Variants in PPP1R37 observed in about 807,000 individuals in gnomAD.
PPP1R37 encodes leucine rich repeat containing 68.
PPP1R37 carries 21 observed loss-of-function variants against 61.0 expected under a neutral mutation model. The observed-to-expected ratio is 0.34, with a 90% confidence interval of 0.24 to 0.50. PPP1R37 has a LOEUF of 0.50. Among genes scored for constraint, PPP1R37 ranks in the 20% least tolerant of loss-of-function variants. PPP1R37 has a pLI of 0.98. For synonymous variants in PPP1R37, 443 were observed against 433.5 expected (o/e 1.02, Z -0.27); for missense variants, 910 against 952.7 (o/e 0.96, Z 0.59).
chr19:45,138,395 T>G, intron 1 of PPP1R37, 119 bp from the exon 2 acceptor site: 3 of 664,230 alleles, frequency 4.5e-6, no homozygotes, highest in Non-Finnish European at 7.7e-6. Flanking sequence ...AGGCAGCCTG[T>G]TGTTGGGGGA....
rs929888323 is a variant in PPP1R37 at position 45,130,575 on chromosome 19, C to A, written c.203-7939C>A. 6.6e-5 allele frequency among the ~76,000 whole-genome samples: 10 copies of A among 152,186 alleles called. No homozygotes were observed. The highest frequency in any genetic ancestry group is 2.4e-4 in the African/African-American group (10 of 41,444). On this transcript the variant is annotated intron_variant, in intron 1 of 12. Coordinates refer to ENST00000221462, the MANE Select transcript of PPP1R37 (RefSeq NM_019121.2). This position sits in a 1 kb window ranked among gnomAD's most constrained non-coding sequence, Gnocchi z 4.4. ...GAGCCCGGTGGGGCCTCTGGGAACA[C>A]TCCTTTCAAGGCCAGCTCACCCTGG...
intron 1 of PPP1R37, among the ~76,000 whole-genome samples, chr19:45,103,612 T>C (rs944007378): frequency 2.0e-5 from 3 of 148,862 alleles, no homozygotes; most frequent in African/African-American, 7.3e-5. Flanking sequence ...ACTCGCTTGG[T>C]TCCCCAGGAC....
In PPP1R37 at chr19:45,130,452, T is replaced by C. The variant is rs1446842232; in HGVS notation, c.203-8062T>C. On this transcript the variant is annotated intron_variant, in intron 1 of 12. Coordinates refer to ENST00000221462, the MANE Select transcript of PPP1R37 (RefSeq NM_019121.2). This position sits in a 1 kb window ranked among gnomAD's most constrained non-coding sequence, Gnocchi z 4.4. The stretch of plus-strand genomic sequence containing the variant: ...CGGTGTGCTTTGGCGCCGAGCCTGC[T>C]CCCACCGTCACACTTAAGCCTGCCC... 6.6e-6 allele frequency among the ~76,000 whole-genome samples: 1 copy of C among 151,874 alleles called. No individual in the cohort carries two copies. The highest frequency in any genetic ancestry group is 1.5e-5 in the Non-Finnish European group (1 of 67,966).
Position 45,124,701 on chromosome 19 carries a change from C to T in PPP1R37, c.203-13813C>T, listed in dbSNP as rs571735458. Among the ~76,000 whole-genome samples the T allele has an allele frequency of 6.6e-5, 10 of 152,082 alleles. No homozygotes were observed. In the South Asian group the frequency reaches 2.1e-3, roughly 32 times the overall value. ...GGGGACTGGGCTTGGTGGCTCACAC[C>T]TGTAATCCCAACATTTTGGGAGGCT... On this transcript the variant is annotated intron_variant, in intron 1 of 12. Transcript: ENST00000221462.
At chr19:45,133,200 C>T (rs111974551) in intron 1 of PPP1R37, among the ~76,000 whole-genome samples, 149 of 152,342 alleles carry the variant, frequency 9.8e-4, no homozygotes, top group African/African-American at 3.3e-3. Flanking sequence ...TCTCCTGCCT[C>T]AGCCTCCTGA....
At chr19:45,138,640 G>C (rs755210667) in intron 2 of PPP1R37, 29 bp downstream of exon 2, 1 of 1,465,908 alleles carries the variant, frequency 6.8e-7, no homozygotes, top group African/African-American at 1.4e-5. Flanking sequence ...GGGTGCGTCC[G>C]GTGTGGGTGT....
chr19:45,137,721 C>T (rs534626541), intron 1 of PPP1R37, among the ~76,000 whole-genome samples: 9 of 152,056 alleles, frequency 5.9e-5, no homozygotes, highest in East Asian at 1.9e-4. Flanking sequence ...GTTCAAAGCC[C>T]GGCTCGCATA....
In PPP1R37 at chr19:45,146,673, G is replaced by A. The variant is rs943115360; in HGVS notation, c.*111G>A. 7.3e-6 allele frequency: 4 copies of A among 547,414 alleles called. No individual in the cohort carries two copies. Among genetic ancestry groups the A allele is most frequent in the Admixed American group, 6.3e-5 (2 of 31,672 alleles). The allele number at this position is 547,414 out of a possible 1,614,324, so 33.9% of individuals were successfully genotyped here. A position where few individuals can be genotyped will look rare whatever the true frequency, so the allele number is the denominator to read the frequency against. Reference sequence around the variant, plus strand: ...GAGGCCCAGGATGCCAGGGGTGGGGGCCATTCTGGGGCCCCCCTCCCCCCA... The same window carrying A: ...GAGGCCCAGGATGCCAGGGGTGGGGACCATTCTGGGGCCCCCCTCCCCCCA... On this transcript the variant is annotated 3_prime_UTR_variant, in exon 13 of 13. Coordinates refer to ENST00000221462, the MANE Select transcript of PPP1R37 (RefSeq NM_019121.2).
chr19:45,128,901 TTCTTCG>T (rs1968442323), intron 1 of PPP1R37: 4 of 689,058 alleles, frequency 5.8e-6, no homozygotes, highest in Non-Finnish European at 1.1e-5. Flanking sequence ...CGAGAGGACC[TTCTTCG>T]TCTGCCAGAG....
chr19:45,145,227 C>A lies in PPP1R37; in HGVS notation c.1263C>A (p.Arg421=). The change falls in exon 10 of 13, where the codon CGC becomes CGA. Residue 421 remains arginine, a synonymous_variant. Transcript: ENST00000221462. ...LALKVNHSLL[R]LDLDREPKKE... ...TCAAGGTGAACCACTCACTGCTGCG[C>A]CTGGACCTCGACCGTGAACCCAAGA... The A allele has an allele frequency of 6.5e-7, 1 of 1,534,720 alleles. No homozygotes were observed. The highest frequency in any genetic ancestry group is 1.2e-5 in the South Asian group (1 of 83,972).
chr19:45,118,853 TATAACTAATTCTGTCGTG>T (rs1968302855), intron 1 of PPP1R37, among the ~76,000 whole-genome samples: 1 of 152,146 alleles, frequency 6.6e-6, no homozygotes, highest in Non-Finnish European at 1.5e-5. Context: ...GGCTGGGCTT[TATAACTAATTCTGTCGTG>T]AGAGACTGGC....
At chr19:45,146,530 T>A (rs1968703789) in intron 12 of PPP1R37, 41 bp from the exon 13 acceptor site, 9 of 1,318,340 alleles carry the variant, frequency 6.8e-6, no homozygotes, top group Non-Finnish European at 9.5e-6. Flanking sequence ...TGAGAGAGCC[T>A]CTGGCTCTGA....
rs572675998 is a variant in PPP1R37, at chr19:45,098,113, G to T, written c.202+4586G>T. ...GGTCTCCTCAGCAAGCCACAGCCAGGTGTGTGTAGATGGGCAGGGAAGCTC... is the reference window on the plus strand; with the variant it reads ...GGTCTCCTCAGCAAGCCACAGCCAGTTGTGTGTAGATGGGCAGGGAAGCTC... On this transcript the variant is annotated intron_variant, in intron 1 of 12. Transcript: ENST00000221462. 5.3e-5 allele frequency among the ~76,000 whole-genome samples: 8 copies of T among 152,344 alleles called. No homozygotes were observed. In the South Asian group the frequency reaches 1.2e-3, roughly 24 times the overall value.
chr19:45,140,358 C>G, intron 3 of PPP1R37, 77 bp downstream of exon 3: 6 of 1,341,522 alleles, frequency 4.5e-6, no homozygotes, highest in East Asian at 3.2e-5. Context: ...GTCTGAGGAC[C>G]TGCCTGGGGT....
At chr19:45,110,129 T>TG (rs1968182674) in intron 1 of PPP1R37, among the ~76,000 whole-genome samples, 2 of 151,788 alleles carry the variant, frequency 1.3e-5, no homozygotes, top group Admixed American at 6.6e-5. Flanking sequence ...TTTTTTTTTT[T>TG]TGTTGAGACA....
chr19:45,135,899 C>T (rs914715512), intron 1 of PPP1R37: 9 of 151,408 alleles, frequency 5.9e-5, no homozygotes, highest in African/African-American at 1.9e-4. Context: ...TCTCCTGCCT[C>T]AGCCTCCCGA....
chr19:45,115,009 C>G (rs114176785), intron 1 of PPP1R37, among the ~76,000 whole-genome samples: 1,875 of 152,260 alleles, frequency 0.012, 45 homozygotes, highest in African/African-American at 0.042. Context: ...TTATTAGTCT[C>G]CACCACAGGA....
At chr19:45,120,484 C>T (rs1424145654) in intron 1 of PPP1R37, among the ~76,000 whole-genome samples, 3 of 152,188 alleles carry the variant, frequency 2.0e-5, no homozygotes, top group Non-Finnish European at 4.4e-5. Flanking sequence ...GCTAGCCGGT[C>T]CCTGCTGGTG....
intron 1 of PPP1R37, among the ~76,000 whole-genome samples, chr19:45,105,838 C>G (rs888981901): frequency 6.6e-6 from 1 of 152,344 alleles, no homozygotes; most frequent in Non-Finnish European, 1.5e-5. Context: ...CCTGCTGTGT[C>G]TCCTGCACAG....
Sources: allele counts gnomAD v4.1 joint callset (sites outside exome capture counted in the v4.1 genomes callset), GRCh38; gene constraint gnomAD v4.1.1; non-coding constraint Gnocchi (gnomAD v3.1); transcripts MANE v1.5; gene names NCBI Gene and HGNC (gene_info 2026-07-23, HGNC 2026-07-21).